Variants in PUS10 observed in about 807,000 individuals in gnomAD.
The protein encoded by PUS10 is pseudouridine synthase 10, also known as tRNA pseudouridine synthase Pus10.
PUS10 carries 59 observed loss-of-function variants against 75.0 expected under a neutral mutation model. The ratio of observed to expected loss-of-function variants is 0.79; its 90% CI spans 0.64 to 0.98. PUS10 has a LOEUF of 0.98. Ranked by LOEUF, PUS10 falls within the 50% of genes least tolerant of loss-of-function variation. PUS10 has a pLI of 0.00. For missense variants in PUS10, 650 were observed against 614.4 expected (o/e 1.06, Z -0.61); for synonymous variants, 219 against 211.6 (o/e 1.03, Z -0.30).
intron 4 of PUS10, among the ~76,000 whole-genome samples, chr2:61,005,349 G>A (rs1489426755): frequency 6.6e-6 from 1 of 152,146 alleles, no homozygotes; most frequent in Non-Finnish European, 1.5e-5. Context: ...AGCTAATATT[G>A]TTAAAATCAT....
At chr2:61,010,903 A>G (rs1488153508) in intron 2 of PUS10, 1 of 1,548,266 alleles carries the variant, frequency 6.5e-7, no homozygotes, top group Non-Finnish European at 8.7e-7. Flanking sequence ...AAATAGAGAC[A>G]ATCATAGTAT....
intron 6 of PUS10, 103 bp downstream of exon 6, chr2:60,967,399 T>C: frequency 1.4e-6 from 1 of 713,712 alleles, no homozygotes. Flanking sequence ...CTTCACTGGA[T>C]TATTTAAAAA....
At chr2:60,988,167 A>G (rs573578088) in intron 4 of PUS10, among the ~76,000 whole-genome samples, 5 of 152,264 alleles carry the variant, frequency 3.3e-5, no homozygotes, top group African/African-American at 1.2e-4. Flanking sequence ...GATGTCAAAA[A>G]TGATTATTAA....
chr2:61,012,937 A>C (rs1679722630), intron 1 of PUS10, among the ~76,000 whole-genome samples: 1 of 141,932 alleles, frequency 7.0e-6, no homozygotes, highest in African/African-American at 2.6e-5. Flanking sequence ...CACCTTTCTG[A>C]GTAAAAACTG....
At chr2:60,983,196 A>T (rs2104507132) in intron 4 of PUS10, among the ~76,000 whole-genome samples, 1 of 152,258 alleles carries the variant, frequency 6.6e-6, no homozygotes, top group South Asian at 2.1e-4. Flanking sequence ...CCCAGCCCTT[A>T]AGTCTAATTG....
At position 60,953,975 on chromosome 2, in the gene PUS10, G is replaced by A; in HGVS notation, c.1148C>T (p.Ser383Leu). 6.2e-7 allele frequency: 1 copy of A among 1,613,770 alleles called. No individual in the cohort carries two copies. Among genetic ancestry groups the A allele is most frequent in the Non-Finnish European group, 8.5e-7 (1 of 1,179,670 alleles). ...GTCACGTACTTGGATTTTGTTAGAT[G>A]AGTTATTAATTTTCTGTAGTAGCAG... ...IKELQQKINN[S>L]SNKIQVRDLQ... The change falls in exon 14 of 18, where the codon TCA (serine) becomes TTA (leucine). Residue 383 changes from serine to leucine, a missense_variant. Physicochemically the swap from Ser to Leu is moderately radical, Grantham distance 145 (BLOSUM62 -2). Transcript: ENST00000316752.
intron 1 of PUS10, among the ~76,000 whole-genome samples, chr2:61,015,685 C>A (rs1040820511): frequency 1.3e-5 from 2 of 152,050 alleles, no homozygotes; most frequent in Admixed American, 6.6e-5. Context: ...GGCAACAGAG[C>A]GAGACTCCAT....
intron 1 of PUS10, among the ~76,000 whole-genome samples, chr2:61,012,593 G>A (rs1473871992): frequency 5.3e-5 from 8 of 150,838 alleles, no homozygotes; most frequent in Middle Eastern, 6.8e-3. Flanking sequence ...TTGGGAGGCC[G>A]AGGGTGGATC....
At chr2:61,003,288 C>T (rs1177226) in intron 4 of PUS10, among the ~76,000 whole-genome samples, 22,823 of 151,812 alleles carry the variant, frequency 0.15, 2,309 homozygotes, top group Non-Finnish European at 0.22. Context: ...ATGGTGAAAC[C>T]GCGTCTCTAC....
At chr2:60,955,204 A>AT (rs1364799621) in intron 11 of PUS10, 130 bp from the exon 12 acceptor site, 1 of 475,642 alleles carries the variant, frequency 2.1e-6, no homozygotes, top group South Asian at 4.5e-5. Flanking sequence ...GAGAGTCATC[A>AT]TCCCACCTCT....
chr2:60,948,155 G>C lies in PUS10; in HGVS notation c.1339C>G (p.Arg447Gly), dbSNP rs368473144. The C allele has an allele frequency of 1.2e-5, 20 of 1,613,952 alleles. No homozygotes were observed. Among genetic ancestry groups the C allele is most frequent in the Non-Finnish European group, 1.6e-5 (19 of 1,180,000 alleles). ...DLKIDQKTPL[R>G]VLHRRPLAVR... Reference sequence around the variant, plus strand: ...GCCAGGGGCCTTCGGTGAAGGACGCGCAAAGGTGTTTTCTGGTCGATTTTT... The same window carrying C: ...GCCAGGGGCCTTCGGTGAAGGACGCCCAAAGGTGTTTTCTGGTCGATTTTT... Residue 447 changes from arginine to glycine, a missense_variant, in exon 16 of 18, where the codon CGC becomes GGC. Physicochemically the swap from Arg to Gly is moderately radical, Grantham distance 125. Coordinates refer to ENST00000316752, the MANE Select transcript of PUS10 (RefSeq NM_144709.4).
chr2:60,989,078 G>C (rs903632833), intron 4 of PUS10, among the ~76,000 whole-genome samples: 2 of 152,146 alleles, frequency 1.3e-5, no homozygotes, highest in Non-Finnish European at 2.9e-5. Flanking sequence ...TTGAACAGTG[G>C]TAAAGGACTT....
intron 4 of PUS10, among the ~76,000 whole-genome samples, chr2:60,991,427 A>C (rs1203073807): frequency 6.6e-6 from 1 of 152,200 alleles, no homozygotes; most frequent in African/African-American, 2.4e-5. Context: ...AAGTATTCCA[A>C]GGTCTTTGCA....
intron 2 of PUS10, among the ~76,000 whole-genome samples, chr2:61,011,433 A>G (rs1679589850): frequency 6.6e-6 from 1 of 152,240 alleles, no homozygotes; most frequent in Non-Finnish European, 1.5e-5. Context: ...CATGTAAGGA[A>G]TATTAGCCCC....
At chr2:61,014,036 C>G (rs976764103) in intron 1 of PUS10, among the ~76,000 whole-genome samples, 1 of 151,836 alleles carries the variant, frequency 6.6e-6, no homozygotes, top group Non-Finnish European at 1.5e-5. Context: ...TAAATGGCAA[C>G]CACCTGTTAA....
At position 60,953,090 on chromosome 2, in the gene PUS10, T is replaced by C. The variant is rs1675443693; in HGVS notation, c.1215A>G (p.Glu405=). 1 of 1,599,294 alleles carries C rather than the reference T, an allele frequency of 6.3e-7. No homozygotes were observed. The highest frequency in any genetic ancestry group is 8.6e-7 in the Non-Finnish European group (1 of 1,166,560). The change falls in exon 15 of 18, where the codon GAA becomes GAG. Residue 405 remains glutamate (E), a synonymous_variant. Transcript: ENST00000316752. ...VTREAIGHMK[E]GEEEKTKTYS... ...AGGTCTTTGTCTTTTCTTCTTCACC[T>C]TCTTTCATATGTCCTATTGCCTCTC... is the stretch of plus-strand genomic sequence containing the variant.
chr2:60,966,258 A>T (rs1345311693), intron 6 of PUS10: 1 of 152,258 alleles, frequency 6.6e-6, no homozygotes, highest in African/African-American at 2.4e-5. Context: ...CACCAAAAAA[A>T]GCATGATTTT....
intron 4 of PUS10, among the ~76,000 whole-genome samples, chr2:60,978,785 G>A (rs1045812360): frequency 1.1e-4 from 17 of 152,132 alleles, no homozygotes; most frequent in African/African-American, 3.6e-4. Flanking sequence ...AAGATTTGTC[G>A]TAAACTAAAG....
At chr2:61,017,658 A>G (rs1680090044) in intron 1 of PUS10, 1 of 888,236 alleles carries the variant, frequency 1.1e-6, no homozygotes, top group Admixed American at 2.4e-5. Flanking sequence ...GGCGGGGTGG[A>G]CGGCTCGGTG....
Sources: gnomAD v4.1 joint callset for allele counts (sites outside exome capture counted in the v4.1 genomes callset) on GRCh38, gnomAD v4.1.1 for gene constraint, MANE v1.5 for transcripts, NCBI Gene and HGNC (gene_info 2026-07-23, HGNC 2026-07-21) for gene names.